Variants in DMKN observed in about 807,000 individuals in gnomAD.
DMKN encodes the protein dermokine.
A neutral mutation model predicts 67.6 loss-of-function variants in DMKN; 58 were observed. That is an observed-to-expected ratio of 0.86 (90% CI 0.69 to 1.07). DMKN has a LOEUF of 1.07. DMKN is among the 50% of genes least tolerant of loss of function. The pLI, the probability that DMKN is intolerant of heterozygous loss-of-function variation, is 0.00. For synonymous variants in DMKN, 240 were observed against 232.3 expected, an observed-to-expected ratio of 1.03 and a Z score of -0.30; for missense variants, 596 against 601.5, an observed-to-expected ratio of 0.99 and a Z score of 0.10.
In DMKN at chr19:35,498,782, G is replaced by T. The variant is rs1395041032; in HGVS notation, c.1384-19C>A. ...GGGAAGCCTGCCAGAAAAAGAGAAAGTCTGAGTGGCCACCACAGGGTCCCT... is the reference window on the plus strand; with the variant it reads ...GGGAAGCCTGCCAGAAAAAGAGAAATTCTGAGTGGCCACCACAGGGTCCCT... On this transcript the variant is annotated intron_variant, in intron 14 of 15. Coordinates refer to ENST00000339686, the MANE Select transcript of DMKN (RefSeq NM_033317.5). 1.2e-6 allele frequency: 2 copies of T among 1,614,182 alleles called. No individual in the cohort carries two copies. The highest frequency in any genetic ancestry group is 1.7e-6 in the Non-Finnish European group (2 of 1,180,020).
chr19:35,508,281 T>A (rs1458066862), intron 7 of DMKN: 7 of 1,550,038 alleles, frequency 4.5e-6, no homozygotes, highest in Non-Finnish European at 6.1e-6. Context: ...CTGCTGAAGA[T>A]CCTGAGGCCA....
intron 7 of DMKN, 47 bp downstream of exon 7, chr19:35,509,864 G>C: frequency 6.2e-7 from 1 of 1,609,762 alleles, no homozygotes; most frequent in Non-Finnish European, 8.5e-7. Context: ...CACAGTCCTG[G>C]GCAGGAACTG....
chr19:35,513,315 G>A lies in DMKN; in HGVS notation c.161C>T (p.Ala54Val), dbSNP rs1422744512. ...GDALSEGVGKAIGKEAGGAAG... is the reference protein window; with the variant it reads ...GDALSEGVGKVIGKEAGGAAG... Reference sequence around the variant, plus strand: ...TGCCCCTCCGGCCTCTTTGCCAATGGCCTTTCCCACCCCTTCGCTCAGGGC... The same window carrying A: ...TGCCCCTCCGGCCTCTTTGCCAATGACCTTTCCCACCCCTTCGCTCAGGGC... The change falls in exon 1 of 16, where the codon GCC becomes GTC. Residue 54 changes from alanine (A) to valine (V), a missense_variant. By Grantham distance (64) the Ala-to-Val change is moderately conservative. Coordinates refer to ENST00000339686, the MANE Select transcript of DMKN (RefSeq NM_033317.5). 1 of 1,614,040 alleles carries A rather than the reference G, an allele frequency of 6.2e-7. No homozygotes were observed. The highest frequency in any genetic ancestry group is 1.3e-5 in the African/African-American group (1 of 74,934).
chr19:35,507,942 A>G (rs192249420), intron 7 of DMKN: 21 of 485,356 alleles, frequency 4.3e-5, no homozygotes, highest in Non-Finnish European at 7.3e-5. Context: ...AGGAGATGCT[A>G]GCTGGAGAGC....
intron 11 of DMKN, among the ~76,000 whole-genome samples, chr19:35,500,809 C>T (rs552377588): frequency 1.3e-5 from 2 of 152,230 alleles, no homozygotes; most frequent in South Asian, 2.1e-4. Flanking sequence ...CCACCCATGC[C>T]GTGGGAGAGT....
rs889788465 is a variant in DMKN, at chr19:35,512,904, G to T, written c.427-114C>A. 3 of 1,498,586 alleles carry T rather than the reference G, an allele frequency of 2.0e-6. No homozygotes were observed. The African/African-American group carries it at 4.2e-5, about 21-fold the overall frequency. The allele number at this position is 1,498,586 out of a possible 1,614,324, so 92.8% of individuals were successfully genotyped here. A position where few individuals can be genotyped will look rare whatever the true frequency, so the allele number is the denominator to read the frequency against. On this transcript the variant is annotated intron_variant, in intron 1 of 15. Coordinates refer to ENST00000339686, the MANE Select transcript of DMKN (RefSeq NM_033317.5). ...AGACAGGCAGAGGGACTCCAGGGTG[G>T]CATAGGAGGGGGGCAGAACATAGAA...
At position 35,512,619 on chromosome 19, in the gene DMKN, C is replaced by T; in HGVS notation, c.598G>A (p.Gly200Arg). The T allele has an allele frequency of 6.2e-7, 1 of 1,614,130 alleles. No individual in the cohort carries two copies. The highest frequency in any genetic ancestry group is 8.5e-7 in the Non-Finnish European group (1 of 1,180,002). Reference sequence around the variant, plus strand: ...GTGTTGGTCCCAAAGTTTGGTGGCCCTCCATTGCCTCCTTGACCCCAGGGA... The same window carrying T: ...GTGTTGGTCCCAAAGTTTGGTGGCCTTCCATTGCCTCCTTGACCCCAGGGA... ...GAPWGQGGNG[G>R]PPNFGTNTQG... is the part of the protein sequence containing the mutation. The change falls in exon 2 of 16, where the codon GGG (glycine) becomes AGG (arginine). Residue 200 changes from glycine to arginine, a missense_variant. Gly to Arg is a moderately radical substitution (Grantham distance 125). Coordinates refer to ENST00000339686, the MANE Select transcript of DMKN (RefSeq NM_033317.5).
At position 35,506,429 on chromosome 19, in the gene DMKN, T is replaced by TCC. The variant is rs1419874818; in HGVS notation, c.1039-445_1039-444dup. 4 of 645,868 alleles carry TCC rather than the reference T, an allele frequency of 6.2e-6. No individual in the cohort carries two copies. In the East Asian group the frequency reaches 8.8e-5, roughly 14 times the overall value. 40.0% of individuals were successfully genotyped at this position (645,868 alleles called of 1,614,324 possible). A position where few individuals can be genotyped will look rare whatever the true frequency, so the allele number is the denominator to read the frequency against. On this transcript the variant is annotated intron_variant, in intron 7 of 15. Coordinates refer to ENST00000339686, the MANE Select transcript of DMKN (RefSeq NM_033317.5). Reference sequence around the variant, plus strand: ...GAATCTCAATATTCAGACTCTTGCCTCCATCCTGGTCTGTCCCCAAAACAC... The same window carrying TCC: ...GAATCTCAATATTCAGACTCTTGCCTCCCCATCCTGGTCTGTCCCCAAAACAC...
chr19:35,513,088 C>T lies in DMKN; in HGVS notation c.388G>A (p.Gly130Ser), dbSNP rs367798085. The change falls in exon 1 of 16, where the codon GGC (glycine) becomes AGC (serine). Residue 130 changes from glycine to serine, a missense_variant. Gly to Ser is a moderately conservative substitution (Grantham distance 56). Coordinates refer to ENST00000339686, the MANE Select transcript of DMKN (RefSeq NM_033317.5). ...TGGCCAGGCACCCCCTGCCAGGAGCCGCGGACAGCATCTGCTCCGTGTCGA... is the reference window on the plus strand; with the variant it reads ...TGGCCAGGCACCCCCTGCCAGGAGCTGCGGACAGCATCTGCTCCGTGTCGA... ...VIRHGADAVR[G>S]SWQGVPGHNG... 7 of 1,613,944 alleles carry T rather than the reference C, an allele frequency of 4.3e-6. No homozygotes were observed. In the South Asian group the frequency reaches 4.4e-5, roughly 10 times the overall value.
intron 9 of DMKN, 120 bp downstream of exon 9, chr19:35,505,598 G>A (rs2069312227): frequency 7.4e-7 from 1 of 1,351,688 alleles, no homozygotes. Flanking sequence ...TTTAGTTTTT[G>A]TTTTTAGCAC....
intron 7 of DMKN, chr19:35,507,320 T>C (rs1240124856): frequency 9.7e-6 from 7 of 720,720 alleles, no homozygotes; most frequent in South Asian, 4.1e-5. Context: ...AACCCTGTTT[T>C]GGTCTCTTGA....
intron 7 of DMKN, chr19:35,508,101 AG>A: frequency 7.0e-7 from 1 of 1,436,036 alleles, no homozygotes; most frequent in African/African-American, 1.4e-5. Flanking sequence ...TAGACCTGGC[AG>A]GGATGTGGGA....
intron 12 of DMKN, chr19:35,500,244 C>T: frequency 7.5e-7 from 1 of 1,338,856 alleles, no homozygotes; most frequent in Non-Finnish European, 1.0e-6. Context: ...ATGGCCGCCG[C>T]CTCCTCCTCC....
At chr19:35,501,636 C>T (rs1376789267) in intron 11 of DMKN, among the ~76,000 whole-genome samples, 1 of 152,200 alleles carries the variant, frequency 6.6e-6, no homozygotes, top group Non-Finnish European at 1.5e-5. Context: ...TGGCACCGCC[C>T]AGAGGTTCTC....
intron 7 of DMKN, chr19:35,506,530 A>G: frequency 2.0e-6 from 1 of 495,162 alleles, no homozygotes; most frequent in Non-Finnish European, 4.0e-6. Context: ...ATCTGTCTCC[A>G]GAGTCTGGAC....
intron 1 of DMKN, 120 bp from the exon 2 acceptor site, chr19:35,512,910 G>A (rs1600099904): frequency 4.7e-6 from 7 of 1,502,910 alleles, no homozygotes; most frequent in African/African-American, 4.2e-5. Flanking sequence ...GGTGGCATAG[G>A]AGGGGGGCAG....
rs1195640597 is a variant in DMKN, at chr19:35,513,111, C to T, written c.365G>A (p.Arg122Gln). 1.2e-6 allele frequency: 2 copies of T among 1,614,030 alleles called. No homozygotes were observed. The highest frequency in any genetic ancestry group is 1.7e-6 in the Non-Finnish European group (2 of 1,180,044). Residue 122 changes from arginine to glutamine, a missense_variant, in exon 1 of 16, where the codon CGA (arginine) becomes CAA (glutamine). Transcript: ENST00000339686. ...GCCGCGGACAGCATCTGCTCCGTGTCGAATGACATCTTCTGCCTGTCTGCC... is the reference window on the plus strand; with the variant it reads ...GCCGCGGACAGCATCTGCTCCGTGTTGAATGACATCTTCTGCCTGTCTGCC... ...EIGRQAEDVI[R>Q]HGADAVRGSW...
In DMKN at chr19:35,512,787, T is replaced by C. The variant is rs952233061; in HGVS notation, c.430A>G (p.Thr144Ala). The C allele has an allele frequency of 5.6e-6, 9 of 1,612,500 alleles. No homozygotes were observed. The highest frequency in any genetic ancestry group is 7.6e-6 in the Non-Finnish European group (9 of 1,179,710). ...CCAAAGATGCCATGGCCTCCAGAAG[T>C]TTCCTGCAAGAACAACATACCTGCA... ...GVPGHNGAWE[T>A]SGGHGIFGSQ... is the part of the protein sequence containing the mutation. Residue 144 changes from threonine to alanine, a missense_variant, in exon 2 of 16, where the codon ACT becomes GCT. Coordinates refer to ENST00000339686, the MANE Select transcript of DMKN (RefSeq NM_033317.5).
chr19:35,500,825 G>T (rs903418658), intron 11 of DMKN, among the ~76,000 whole-genome samples: 1 of 152,218 alleles, frequency 6.6e-6, no homozygotes, highest in African/African-American at 2.4e-5. Context: ...AGAGTTGGCA[G>T]CCCCAGCCTA....
Sources: gnomAD v4.1 joint callset for allele counts (sites outside exome capture counted in the v4.1 genomes callset) on GRCh38, gnomAD v4.1.1 for gene constraint, MANE v1.5 for transcripts, NCBI Gene and HGNC (gene_info 2026-07-23, HGNC 2026-07-21) for gene names.